The following INTS9 variants were observed in gnomAD, a reference collection of about 807,000 sequenced individuals.
INTS9 encodes the protein integrator complex subunit 9.
A neutral mutation model predicts 79.7 loss-of-function variants in INTS9; 55 were observed. The observed-to-expected ratio is 0.69, with a 90% CI of 0.56 to 0.86. The LOEUF (loss-of-function observed/expected upper bound fraction) is 0.86. INTS9 is among the 40% of genes least tolerant of loss of function. The pLI, the probability that INTS9 is intolerant of heterozygous loss-of-function variation, is 0.00. For missense variants in INTS9, 721 were observed against 831.5 expected, an observed-to-expected ratio of 0.87 and a Z score of 1.64; for synonymous variants, 319 against 325.2, an observed-to-expected ratio of 0.98 and a Z score of 0.20.
chr8:28,860,502 A>C (rs1808403427), intron 1 of INTS9, among the ~76,000 whole-genome samples: 1 of 147,512 alleles, frequency 6.8e-6, no homozygotes, highest in South Asian at 2.1e-4. Context: ...CTTGAGATGG[A>C]GTCTCACTCT....
intron 1 of INTS9, among the ~76,000 whole-genome samples, chr8:28,880,062 T>C (rs964568583): frequency 6.6e-6 from 1 of 151,746 alleles, no homozygotes; most frequent in Admixed American, 6.6e-5. Context: ...GTTTAAACAA[T>C]GTAAAAAAAG....
rs558144622 is a variant in INTS9, at chr8:28,847,441, T to C, written c.199-632A>G. On this transcript the variant is annotated intron_variant, in intron 3 of 16. Transcript: ENST00000521022. ...TCACCACCTCCTCCACTACCACGAC[T>C]ACCACCACTACCTCCACCACCACCA... is the stretch of plus-strand genomic sequence containing the variant. Among the ~76,000 whole-genome samples the C allele has an allele frequency of 2.0e-5, 3 of 149,938 alleles. No homozygotes were observed. In the South Asian group the frequency reaches 6.3e-4, roughly 31 times the overall value.
intron 1 of INTS9, among the ~76,000 whole-genome samples, chr8:28,865,064 TAAAAAC>T (rs1808665388): frequency 1.4e-5 from 2 of 141,166 alleles, no homozygotes; most frequent in South Asian, 4.4e-4. Context: ...GAAGAAAAAA[TAAAAAC>T]AAAAAATCAT....
At chr8:28,880,395 A>AT (rs1809655930) in intron 1 of INTS9, among the ~76,000 whole-genome samples, 1 of 151,050 alleles carries the variant, frequency 6.6e-6, no homozygotes, top group African/African-American at 2.4e-5. Flanking sequence ...AGTGCCTGCG[A>AT]TTGCAGGCGC....
At chr8:28,781,356 A>C (rs1803254368) in intron 11 of INTS9, among the ~76,000 whole-genome samples, 1 of 152,218 alleles carries the variant, frequency 6.6e-6, no homozygotes, top group East Asian at 1.9e-4. Flanking sequence ...CTGTTATAAT[A>C]AAATGGCCAA....
At chr8:28,845,768 T>G (rs1807473699) in intron 4 of INTS9, among the ~76,000 whole-genome samples, 1 of 152,202 alleles carries the variant, frequency 6.6e-6, no homozygotes, top group Non-Finnish European at 1.5e-5. Flanking sequence ...TCTTTCAGCT[T>G]TACGCTTACT....
At chr8:28,855,918 A>C (rs913991000) in intron 2 of INTS9, among the ~76,000 whole-genome samples, 2 of 152,344 alleles carry the variant, frequency 1.3e-5, no homozygotes, top group East Asian at 1.9e-4. Context: ...GGTCAGAAAA[A>C]AATTATGTGT....
intron 2 of INTS9, among the ~76,000 whole-genome samples, chr8:28,853,557 A>C (rs1807972416): frequency 6.6e-6 from 1 of 152,322 alleles, no homozygotes; most frequent in Admixed American, 6.5e-5. Context: ...TACCATTAAA[A>C]TTTTTAGTCA....
At chr8:28,846,701 T>C (rs1391722328) in intron 4 of INTS9, 46 bp downstream of exon 4, 2 of 1,378,546 alleles carry the variant, frequency 1.5e-6, no homozygotes. Flanking sequence ...TTTGAGCAAT[T>C]ACATAATAAG....
In INTS9 at chr8:28,768,313, T is replaced by C. The variant is rs1444889860; in HGVS notation, c.1810A>G (p.Ser604Gly). 1.2e-6 allele frequency: 2 copies of C among 1,613,452 alleles called. No individual in the cohort carries two copies. Among genetic ancestry groups the C allele is most frequent in the Non-Finnish European group, 8.5e-7 (1 of 1,180,008 alleles). Residue 604 changes from serine (S) to glycine (G), a missense_variant, in exon 17 of 17, where the codon AGT becomes GGT. Around this residue, in one of 3 missense-constraint regions of INTS9, gnomAD observed 281 missense variants for 300.8 expected, o/e 0.93. Coordinates refer to ENST00000521022, the MANE Select transcript of INTS9 (RefSeq NM_018250.4). ...GCTGTGTCCTCCACCTTAATATCAC[T>C]GAAGCCATGCTGCTCCAGAAGAAAA... ...FVQTLEKHGF[S>G]DIKVEDTAKG...
At chr8:28,769,842 A>G (rs751636024) in intron 16 of INTS9, 47 bp downstream of exon 16, 14 of 1,604,766 alleles carry the variant, frequency 8.7e-6, no homozygotes, top group Non-Finnish European at 1.1e-5. Flanking sequence ...AGCCAGGGAA[A>G]GGCTGCCACG....
chr8:28,781,109 C>T (rs1329526949), intron 11 of INTS9, 115 bp from the exon 12 acceptor site: 10 of 779,894 alleles, frequency 1.3e-5, no homozygotes, highest in Non-Finnish European at 1.8e-5. Context: ...GAAGACAAGC[C>T]ACGGATTGGG....
chr8:28,796,050 C>T (rs75898111), intron 9 of INTS9, among the ~76,000 whole-genome samples: 1 of 152,208 alleles, frequency 6.6e-6, no homozygotes, highest in Non-Finnish European at 1.5e-5. Context: ...TGGCTCATGC[C>T]GGAAATCCCA....
intron 2 of INTS9, among the ~76,000 whole-genome samples, chr8:28,851,319 T>C (rs1351319914): frequency 6.6e-6 from 1 of 152,080 alleles, no homozygotes; most frequent in Non-Finnish European, 1.5e-5. Flanking sequence ...AGCATAAATA[T>C]GTGAATATCT....
intron 14 of INTS9, 63 bp downstream of exon 14, chr8:28,775,696 G>C: frequency 6.4e-7 from 1 of 1,551,452 alleles, no homozygotes; most frequent in Admixed American, 1.8e-5. Context: ...GGCCACCCCT[G>C]CACGATCTCC....
chr8:28,772,300 A>G (rs965792784), intron 14 of INTS9, among the ~76,000 whole-genome samples: 3 of 152,178 alleles, frequency 2.0e-5, no homozygotes, highest in African/African-American at 4.8e-5. Context: ...CACGGTGGGC[A>G]GACTGGAGTT....
rs770115032 is a variant in INTS9, at chr8:28,780,841, T to G, written c.1252A>C (p.Asn418His). ...CACTTACCCGTGAATATGACGGTAT[T>G]GAGACTAGATTTTCCCCAGAGCTCC... ...FMELWGKSSL[N>H]TVIFTEPDFS... The change falls in exon 12 of 17, where the codon AAT (asparagine) becomes CAT (histidine). Residue 418 changes from asparagine (N) to histidine (H), a missense_variant. Physicochemically the swap from Asn to His is moderately conservative, Grantham distance 68. This residue lies in a region of INTS9 where 149 missense variants were observed against 223.7 expected (regional missense o/e 0.67). Coordinates refer to ENST00000521022, the MANE Select transcript of INTS9 (RefSeq NM_018250.4). 1 of 1,614,150 alleles carries G rather than the reference T, an allele frequency of 6.2e-7. No homozygotes were observed. The highest frequency in any genetic ancestry group is 8.5e-7 in the Non-Finnish European group (1 of 1,180,022).
chr8:28,784,512 A>G (rs1273449114), intron 11 of INTS9, among the ~76,000 whole-genome samples: 1 of 152,244 alleles, frequency 6.6e-6, no homozygotes, highest in African/African-American at 2.4e-5. Context: ...AAAACCTTCT[A>G]CTTGGCATCC....
At chr8:28,871,412 A>G (rs571839746) in intron 1 of INTS9, among the ~76,000 whole-genome samples, 2 of 152,030 alleles carry the variant, frequency 1.3e-5, no homozygotes, top group Admixed American at 6.6e-5. Flanking sequence ...GTAGGAGATA[A>G]CTTTTTTTTT....
Sources: gnomAD v4.1 joint callset for allele counts (sites outside exome capture counted in the v4.1 genomes callset) on GRCh38, gnomAD v4.1.1 for gene constraint, gnomAD v4.1.1 regional missense constraint, MANE v1.5 for transcripts, NCBI Gene and HGNC (gene_info 2026-07-23, HGNC 2026-07-21) for gene names.